Variants in INPP4B observed in about 807,000 individuals in gnomAD.
INPP4B encodes the protein inositol polyphosphate 4-phosphatase type II.
In INPP4B, 55 loss-of-function variants were observed where a neutral mutation model predicts 122.5. That is an observed-to-expected ratio of 0.45 (90% CI 0.36 to 0.56). The LOEUF is 0.56. Ranked by LOEUF, INPP4B falls within the 20% of genes least tolerant of loss-of-function variation. INPP4B has a pLI of 0.00. For missense variants in INPP4B, 1,000 were observed against 1,097.7 expected (o/e 0.91, Z 1.26); for synonymous variants, 403 against 388.7 (o/e 1.04, Z -0.43).
At chr4:142,073,298 A>G (rs1325379493) in intron 25 of INPP4B, among the ~76,000 whole-genome samples, 1 of 152,148 alleles carries the variant, frequency 6.6e-6, no homozygotes, top group Admixed American at 6.6e-5. Context: ...TATCGTTTGA[A>G]CATTAATATA....
chr4:142,656,351 C>T (rs1298443607), intron 2 of INPP4B, among the ~76,000 whole-genome samples: 2 of 152,298 alleles, frequency 1.3e-5, no homozygotes, highest in African/African-American at 4.8e-5. Context: ...ATTTTTGGCG[C>T]CCAACATGGG....
At chr4:142,458,117 G>A (rs890299414) in intron 3 of INPP4B, among the ~76,000 whole-genome samples, 4 of 152,052 alleles carry the variant, frequency 2.6e-5, no homozygotes, top group African/African-American at 9.7e-5. Flanking sequence ...GTAAAATAAA[G>A]TTAAAAAGGA....
intron 1 of INPP4B, among the ~76,000 whole-genome samples, chr4:142,806,166 C>A (rs1008759210): frequency 6.7e-6 from 1 of 148,530 alleles, no homozygotes; most frequent in Non-Finnish European, 1.5e-5. Context: ...GTAGTCCCAG[C>A]TACTAGGGAG....
chr4:142,175,457 C>T (rs1219274), intron 15 of INPP4B, among the ~76,000 whole-genome samples: 128,435 of 152,014 alleles, frequency 0.84, 54,620 homozygotes, highest in Non-Finnish European at 0.89. Context: ...AGGCTTGGGC[C>T]ATTCAGAAGA....
At chr4:142,424,884 T>G (rs2149333686) in intron 5 of INPP4B, among the ~76,000 whole-genome samples, 1 of 152,134 alleles carries the variant, frequency 6.6e-6, no homozygotes, top group Non-Finnish European at 1.5e-5. Context: ...GTTTCCACAT[T>G]GCCTATTATT....
chr4:142,828,677 T>C (rs1051101012), intron 1 of INPP4B, among the ~76,000 whole-genome samples: 5 of 152,190 alleles, frequency 3.3e-5, no homozygotes, highest in African/African-American at 1.2e-4. Context: ...AAACAAGCCA[T>C]AGTGAGCAAG....
At chr4:142,697,731 G>C (rs532104201) in intron 2 of INPP4B, among the ~76,000 whole-genome samples, 1 of 152,256 alleles carries the variant, frequency 6.6e-6, no homozygotes, top group African/African-American at 2.4e-5. Flanking sequence ...CCAATATCAT[G>C]AGTTATTCAG....
intron 18 of INPP4B, among the ~76,000 whole-genome samples, chr4:142,139,607 C>T (rs1181645351): frequency 6.6e-6 from 1 of 152,124 alleles, no homozygotes; most frequent in African/African-American, 2.4e-5. Context: ...CTGCCCGGCC[C>T]AGTCTTTAAT....
chr4:142,255,632 T>C (rs1579474764), intron 11 of INPP4B, among the ~76,000 whole-genome samples: 1 of 152,148 alleles, frequency 6.6e-6, no homozygotes, highest in Non-Finnish European at 1.5e-5. Context: ...GGTAAATGGA[T>C]CAATTCATCA....
intron 11 of INPP4B, among the ~76,000 whole-genome samples, chr4:142,250,530 T>TTAGA (rs1258783791): frequency 6.6e-6 from 1 of 152,128 alleles, no homozygotes; most frequent in Non-Finnish European, 1.5e-5. Flanking sequence ...GTTGCTGAGT[T>TTAGA]TAGATAGATA....
At chr4:142,254,546 C>A (rs1415570320) in intron 11 of INPP4B, among the ~76,000 whole-genome samples, 4 of 152,094 alleles carry the variant, frequency 2.6e-5, no homozygotes, top group Admixed American at 6.5e-5. Context: ...CTCGAGAACT[C>A]TGTGAAGAAT....
At chr4:142,324,159 C>T (rs1310785018) in intron 7 of INPP4B, among the ~76,000 whole-genome samples, 1 of 152,134 alleles carries the variant, frequency 6.6e-6, no homozygotes, top group East Asian at 1.9e-4. Context: ...AGCAAGAGGG[C>T]CACTGTCTAC....
At chr4:142,406,512 A>C (rs576973696) in intron 5 of INPP4B, among the ~76,000 whole-genome samples, 1 of 152,354 alleles carries the variant, frequency 6.6e-6, no homozygotes, top group African/African-American at 2.4e-5. Context: ...TCTCTTTCAG[A>C]AGTACAAGGA....
At chr4:142,548,743 ATGTGTCTG>A (rs200319942) in intron 2 of INPP4B, among the ~76,000 whole-genome samples, 3,012 of 129,784 alleles carry the variant, frequency 0.023, 50 homozygotes, top group African/African-American at 0.044. Context: ...GTGCATACAG[ATGTGTCTG>A]TGTGTGTGTG....
chr4:142,394,967 T>C (rs903286808), intron 7 of INPP4B, among the ~76,000 whole-genome samples: 1 of 152,252 alleles, frequency 6.6e-6, no homozygotes, highest in Non-Finnish European at 1.5e-5. Flanking sequence ...AAGAAATTCA[T>C]AATTAAACTT....
chr4:142,712,183 G>C (rs1386665542), intron 2 of INPP4B, among the ~76,000 whole-genome samples: 1 of 152,128 alleles, frequency 6.6e-6, no homozygotes, highest in Non-Finnish European at 1.5e-5. Flanking sequence ...CTTGATCTTG[G>C]ACTTCCCAGC....
At chr4:142,361,393 C>T (rs1785350302) in intron 7 of INPP4B, among the ~76,000 whole-genome samples, 1 of 151,922 alleles carries the variant, frequency 6.6e-6, no homozygotes, top group African/African-American at 2.4e-5. Context: ...GTGGGAGAGG[C>T]ACTGCTATTT....
chr4:142,127,308 TTAAG>T (rs1463418117), intron 18 of INPP4B, among the ~76,000 whole-genome samples: 1 of 152,158 alleles, frequency 6.6e-6, no homozygotes, highest in Non-Finnish European at 1.5e-5. Context: ...TTGCAAGACA[TTAAG>T]TGACAATTCT....
intron 1 of INPP4B, among the ~76,000 whole-genome samples, chr4:142,741,751 A>G (rs572453592): frequency 7.2e-5 from 11 of 152,050 alleles, no homozygotes; most frequent in African/African-American, 2.6e-4. Context: ...AAGTGATAAA[A>G]CTTATGCAAG....
Sources: gnomAD v4.1 joint callset for allele counts (sites outside exome capture counted in the v4.1 genomes callset) on GRCh38, gnomAD v4.1.1 for gene constraint, MANE v1.5 for transcripts, NCBI Gene and HGNC (gene_info 2026-07-23, HGNC 2026-07-21) for gene names.